CNTNAP5: variants seen among roughly 807,000 people sequenced by gnomAD.
CNTNAP5 encodes the protein contactin associated protein family member 5.
Under a neutral mutation model 150.2 loss-of-function variants are expected in CNTNAP5, and 72 were observed. The ratio of observed to expected loss-of-function variants is 0.48; its 90% CI spans 0.40 to 0.58. The LOEUF (loss-of-function observed/expected upper bound fraction) is 0.58. Ranked by LOEUF, CNTNAP5 falls within the 20% of genes least tolerant of loss-of-function variation. The probability of loss-of-function intolerance (pLI) is 0.00; values close to 1 mark genes in which losing one functional copy is unlikely to be tolerated. For synonymous variants in CNTNAP5, 672 were observed against 619.8 expected, an observed-to-expected ratio of 1.08 and a Z score of -1.25; for missense variants, 1,636 against 1,626.2, an observed-to-expected ratio of 1.01 and a Z score of -0.10.
chr2:124,527,242 A>T (rs771300195), intron 9 of CNTNAP5, 43 bp from the exon 10 acceptor site: 6 of 1,574,756 alleles, frequency 3.8e-6, no homozygotes, highest in Non-Finnish European at 5.2e-6. Context: ...GCAATGACGG[A>T]TCATTTCAGC....
At chr2:124,336,598 C>G (rs547361610) in intron 3 of CNTNAP5, among the ~76,000 whole-genome samples, 1 of 141,242 alleles carries the variant, frequency 7.1e-6, no homozygotes, top group Admixed American at 7.5e-5. Context: ...TTGCTCAGTT[C>G]CCGCCTATGA....
At chr2:124,561,065 A>G (rs528256824) in intron 10 of CNTNAP5, among the ~76,000 whole-genome samples, 1 of 152,126 alleles carries the variant, frequency 6.6e-6, no homozygotes, top group South Asian at 2.1e-4. Flanking sequence ...GAGGGCAGCA[A>G]TAATACTATC....
intron 1 of CNTNAP5, among the ~76,000 whole-genome samples, chr2:124,216,724 A>AT (rs895350330): frequency 2.6e-5 from 4 of 152,044 alleles, no homozygotes; most frequent in Non-Finnish European, 5.9e-5. Context: ...TGAACTCATC[A>AT]TTTTTTATGG....
intron 13 of CNTNAP5, among the ~76,000 whole-genome samples, chr2:124,728,690 A>T (rs1188240119): frequency 6.6e-6 from 1 of 152,032 alleles, no homozygotes; most frequent in Non-Finnish European, 1.5e-5. Context: ...GCTTCATGGG[A>T]GAGGTAATAT....
At chr2:124,176,982 C>A (rs890427683) in intron 1 of CNTNAP5, among the ~76,000 whole-genome samples, 1 of 151,330 alleles carries the variant, frequency 6.6e-6, no homozygotes, top group Non-Finnish European at 1.5e-5. Flanking sequence ...ACAGCTGGAA[C>A]GACAGGCCAT....
chr2:124,054,133 A>G (rs929906534), intron 1 of CNTNAP5, among the ~76,000 whole-genome samples: 1 of 152,180 alleles, frequency 6.6e-6, no homozygotes, highest in Non-Finnish European at 1.5e-5. Flanking sequence ...AACACCAAGA[A>G]GCAAACAGAG....
chr2:124,465,838 A>G (rs1693364849), intron 6 of CNTNAP5, among the ~76,000 whole-genome samples: 1 of 152,190 alleles, frequency 6.6e-6, no homozygotes, highest in Non-Finnish European at 1.5e-5. Flanking sequence ...GTAAGTAAGA[A>G]GATAATAAAT....
chr2:124,666,106 T>C (rs567846968), intron 13 of CNTNAP5, among the ~76,000 whole-genome samples: 2 of 152,210 alleles, frequency 1.3e-5, no homozygotes, highest in African/African-American at 4.8e-5. Context: ...CCTGAGTAAG[T>C]AGTCCTGAAG....
intron 2 of CNTNAP5, among the ~76,000 whole-genome samples, chr2:124,224,803 A>C (rs192483981): frequency 6.6e-5 from 10 of 152,258 alleles, no homozygotes; most frequent in Admixed American, 1.3e-4. Context: ...TTAGAAAGTT[A>C]AGAAGAAAAC....
At chr2:124,713,454 T>C (rs1023717413) in intron 13 of CNTNAP5, among the ~76,000 whole-genome samples, 2 of 150,606 alleles carry the variant, frequency 1.3e-5, no homozygotes, top group African/African-American at 4.9e-5. Flanking sequence ...CTCGGCTCAC[T>C]GAAACCTCCA....
At position 124,919,077 on chromosome 2, in the gene CNTNAP5, C is replaced by A. The variant is rs927234764; in HGVS notation, c.*4789C>A. ...TTATTGTCTCTAATTATCAGCTCTGCCTTCACAAATTCCAAATTTGAACCA... is the reference window on the plus strand; with the variant it reads ...TTATTGTCTCTAATTATCAGCTCTGACTTCACAAATTCCAAATTTGAACCA... On this transcript the variant is annotated 3_prime_UTR_variant, in exon 24 of 24. Transcript: ENST00000682447. Among the ~76,000 whole-genome samples the A allele has an allele frequency of 6.6e-6, 1 of 151,984 alleles. No homozygotes were observed. The highest frequency in any genetic ancestry group is 1.5e-5 in the Non-Finnish European group (1 of 68,004).
chr2:124,295,509 T>C (rs1391085280), intron 3 of CNTNAP5, among the ~76,000 whole-genome samples: 10 of 152,392 alleles, frequency 6.6e-5, no homozygotes, highest in Middle Eastern at 3.4e-3. Flanking sequence ...CTGGTGACCA[T>C]TGAATAGGTC....
intron 13 of CNTNAP5, among the ~76,000 whole-genome samples, chr2:124,683,153 T>A (rs545324990): frequency 6.6e-6 from 1 of 152,154 alleles, no homozygotes; most frequent in Non-Finnish European, 1.5e-5. Context: ...GTACACAGAG[T>A]GTGGCTGATG....
At chr2:124,735,749 T>C (rs1228554313) in intron 13 of CNTNAP5, among the ~76,000 whole-genome samples, 1 of 152,188 alleles carries the variant, frequency 6.6e-6, no homozygotes, top group African/African-American at 2.4e-5. Flanking sequence ...CTGTGTGATT[T>C]TGGGGAATTT....
rs1426086360 is a variant in CNTNAP5, at chr2:124,097,404, GTTT to G, written c.82+71675_82+71677del. On this transcript the variant is annotated intron_variant, in intron 1 of 23. Coordinates refer to ENST00000682447, the MANE Select transcript of CNTNAP5 (RefSeq NM_001367498.1). ...CTATACACTTTGATAGCATCAAGAA[GTTT>G]TTATCATATTAACAACCAAATAAAT... 5.3e-5 allele frequency among the ~76,000 whole-genome samples: 8 copies of G among 152,264 alleles called. No homozygotes were observed. In the South Asian group the frequency reaches 1.7e-3, roughly 32 times the overall value.
intron 8 of CNTNAP5, among the ~76,000 whole-genome samples, chr2:124,506,450 C>T (rs1222419674): frequency 6.6e-6 from 1 of 152,114 alleles, no homozygotes; most frequent in Non-Finnish European, 1.5e-5. Flanking sequence ...TACTTTGCAT[C>T]ACTCACATAG....
intron 4 of CNTNAP5, among the ~76,000 whole-genome samples, chr2:124,422,854 A>C (rs552517592): frequency 1.3e-5 from 2 of 152,160 alleles, no homozygotes; most frequent in Non-Finnish European, 2.9e-5. Flanking sequence ...CTGCACTTCA[A>C]TTAGATCATG....
At chr2:124,408,431 G>A (rs1573973241) in intron 3 of CNTNAP5, among the ~76,000 whole-genome samples, 1 of 152,232 alleles carries the variant, frequency 6.6e-6, no homozygotes, top group East Asian at 1.9e-4. Context: ...TCTGGGGGCA[G>A]GGCACAGACA....
chr2:124,118,295 A>C (rs1236747247), intron 1 of CNTNAP5, among the ~76,000 whole-genome samples: 1 of 152,164 alleles, frequency 6.6e-6, no homozygotes, highest in Non-Finnish European at 1.5e-5. Flanking sequence ...TGATAACTGA[A>C]GGACCTGAAA....
Sources: allele counts gnomAD v4.1 joint callset (sites outside exome capture counted in the v4.1 genomes callset), GRCh38; gene constraint gnomAD v4.1.1; transcripts MANE v1.5; gene names NCBI Gene and HGNC (gene_info 2026-07-23, HGNC 2026-07-21).